Variants in USP30 observed in about 807,000 individuals in gnomAD.
USP30 encodes ubiquitin carboxyl-terminal hydrolase 30.
A neutral mutation model predicts 68.2 loss-of-function variants in USP30; 41 were observed. That is an observed-to-expected ratio of 0.60 (90% CI 0.47 to 0.78). The LOEUF (loss-of-function observed/expected upper bound fraction) is 0.78, where lower values mean the gene tolerates loss of function less well. Ranked by LOEUF, USP30 falls within the 30% of genes least tolerant of loss-of-function variation. The pLI is 0.00. For missense variants in USP30, 522 were observed against 649.4 expected, an observed-to-expected ratio of 0.80 and a Z score of 2.13; for synonymous variants, 229 against 253.7, an observed-to-expected ratio of 0.90 and a Z score of 0.93.
At chr12:109,075,381 C>T (rs1281310441) in intron 7 of USP30, among the ~76,000 whole-genome samples, 1 of 152,150 alleles carries the variant, frequency 6.6e-6, no homozygotes, top group Non-Finnish European at 1.5e-5. Flanking sequence ...CAGAGTCTCG[C>T]TCTGCTGCAC....
chr12:109,074,597 T>C (rs1193798072), intron 7 of USP30, among the ~76,000 whole-genome samples: 2 of 152,152 alleles, frequency 1.3e-5, no homozygotes, highest in Non-Finnish European at 2.9e-5. Flanking sequence ...TCCTACTGAG[T>C]GCAAAGTAGT....
rs561625346 is a variant in USP30, at chr12:109,034,225, C to T, written c.-136+6669C>T. On this transcript the variant is annotated intron_variant, in intron 3 of 15. Transcript: ENST00000392784. ...TTTCCCTTGTTAATGTTTCTCTTAC[C>T]TATTGGCTATTCAGGAATGTGTTGT... 1.2e-3 allele frequency among the ~76,000 whole-genome samples: 183 copies of T among 152,212 alleles called. 3 individuals are homozygous for T. The South Asian group carries it at 0.021, about 18-fold the overall frequency.
At chr12:109,074,438 A>G (rs1388289189) in intron 7 of USP30, among the ~76,000 whole-genome samples, 1 of 152,144 alleles carries the variant, frequency 6.6e-6, no homozygotes, top group Non-Finnish European at 1.5e-5. Context: ...TTAACCTTTT[A>G]AGGAACTGCC....
chr12:109,042,652 T>C (rs1429752844), intron 3 of USP30, among the ~76,000 whole-genome samples: 3 of 152,158 alleles, frequency 2.0e-5, no homozygotes, highest in African/African-American at 7.2e-5. Context: ...TTATACTCAA[T>C]GGTGAGAGAC....
At chr12:109,060,409 G>A (rs1179121829) in intron 3 of USP30, among the ~76,000 whole-genome samples, 1 of 152,192 alleles carries the variant, frequency 6.6e-6, no homozygotes, top group Non-Finnish European at 1.5e-5. Context: ...GTGCTTCACT[G>A]AGGTATTTTC....
chr12:109,070,543 G>A lies in USP30; in HGVS notation c.481-1069G>A, dbSNP rs2041406641. On this transcript the variant is annotated intron_variant, in intron 4 of 12. Coordinates refer to ENST00000257548, the MANE Select transcript of USP30 (RefSeq NM_032663.5). This position sits in a 1 kb window ranked among gnomAD's most constrained non-coding sequence, Gnocchi z 4.0. ...CTTTGTAGGCCAGATAAGAATGGTA[G>A]GTTTTACTCTAGTAGTGGAAGCCAT... Among the ~76,000 whole-genome samples the A allele has an allele frequency of 6.6e-6, 1 of 152,194 alleles. No individual in the cohort carries two copies. Among genetic ancestry groups the A allele is most frequent in the Non-Finnish European group, 1.5e-5 (1 of 68,022 alleles).
intron 3 of USP30, among the ~76,000 whole-genome samples, chr12:109,063,326 C>A (rs1316214635): frequency 6.6e-6 from 1 of 152,164 alleles, no homozygotes. Flanking sequence ...ATCTTGAACT[C>A]CTGACTTCAA....
intron 11 of USP30, among the ~76,000 whole-genome samples, chr12:109,084,290 C>T (rs2041886012): frequency 6.6e-6 from 1 of 152,142 alleles, no homozygotes; most frequent in South Asian, 2.1e-4. Context: ...AAAAATGACA[C>T]TTGAAAGGAA....
intron 3 of USP30, among the ~76,000 whole-genome samples, chr12:109,030,903 C>T (rs1482562564): frequency 2.6e-5 from 4 of 152,138 alleles, no homozygotes; most frequent in East Asian, 1.9e-4. Flanking sequence ...CGTGAGCCAC[C>T]GTGCCAGGCC....
At position 109,087,230 on chromosome 12, in the gene USP30, A is replaced by G. The variant is rs2041967455; in HGVS notation, c.*1299A>G. 1 of 152,184 alleles carries G rather than the reference A, an allele frequency of 6.6e-6. No homozygotes were observed. The highest frequency in any genetic ancestry group is 2.4e-5 in the African/African-American group (1 of 41,436). 9.4% of individuals were successfully genotyped at this position (152,184 alleles called of 1,614,324 possible). A position where few individuals can be genotyped will look rare whatever the true frequency, so the allele number is the denominator to read the frequency against. ...TTTTAATTTAGAAAAATGGATACCA[A>G]ATTCAAACCGACTCATCAGAGGTAA... On this transcript the variant is annotated 3_prime_UTR_variant, in exon 13 of 13. Coordinates refer to ENST00000257548, the MANE Select transcript of USP30 (RefSeq NM_032663.5).
chr12:109,032,322 A>G (rs1197224317), intron 3 of USP30, among the ~76,000 whole-genome samples: 1 of 152,166 alleles, frequency 6.6e-6, no homozygotes, highest in African/African-American at 2.4e-5. Flanking sequence ...TAAATGCTCT[A>G]TGCAAAACTT....
chr12:109,050,973 G>T (rs2040660087), upstream of USP30, among the ~76,000 whole-genome samples: 1 of 152,024 alleles, frequency 6.6e-6, no homozygotes, highest in Non-Finnish European at 1.5e-5. Context: ...CTGGGCGGCA[G>T]AGCAAGACTC....
rs201090244 is a variant in USP30 at position 109,058,714 on chromosome 12, T to TA, written c.376+616dup. Among the ~76,000 whole-genome samples, 13 of 148,818 alleles carry TA rather than the reference T, an allele frequency of 8.7e-5. No homozygotes were observed. In the South Asian group the frequency reaches 1.1e-3, roughly 12 times the overall value. ...TATTCTGGTTTCAAAAACATTAAAG[T>TA]AAAAAAAAAATGTCCGTTAGCCTAG... On this transcript the variant is annotated intron_variant, in intron 3 of 12. Transcript: ENST00000257548.
At chr12:109,026,868 G>A (rs1172853388) in intron 2 of USP30, among the ~76,000 whole-genome samples, 3 of 152,108 alleles carry the variant, frequency 2.0e-5, no homozygotes, top group Non-Finnish European at 4.4e-5. Flanking sequence ...CTTGCAGATG[G>A]CCACCTTCTC....
At chr12:109,032,480 T>C (rs2040489570) in intron 3 of USP30, among the ~76,000 whole-genome samples, 1 of 152,228 alleles carries the variant, frequency 6.6e-6, no homozygotes, top group Admixed American at 6.5e-5. Context: ...AATGCAGTAC[T>C]GATTATGGTG....
intron 3 of USP30, among the ~76,000 whole-genome samples, chr12:109,043,174 A>G (rs1210822138): frequency 5.9e-5 from 9 of 152,224 alleles, no homozygotes; most frequent in Admixed American, 5.9e-4. Flanking sequence ...TACTACCCAA[A>G]GTGATCTGTA....
At chr12:109,030,510 G>A (rs1381191599) in intron 3 of USP30, among the ~76,000 whole-genome samples, 1 of 152,138 alleles carries the variant, frequency 6.6e-6, no homozygotes, top group Non-Finnish European at 1.5e-5. Context: ...AAATTCTGGA[G>A]ATCTAACGTA....
intron 8 of USP30, 128 bp from the exon 9 acceptor site, chr12:109,081,805 T>C: frequency 1.1e-6 from 1 of 916,140 alleles, no homozygotes; most frequent in South Asian, 1.5e-5. Context: ...AAACATCCAG[T>C]TGTGACTATA....
At chr12:109,025,333 T>C (rs2040437213) in intron 2 of USP30, among the ~76,000 whole-genome samples, 1 of 151,936 alleles carries the variant, frequency 6.6e-6, no homozygotes, top group Admixed American at 6.6e-5. Context: ...TATTTATATC[T>C]ATGTAATATA....
Sources: gnomAD v4.1 joint callset for allele counts (sites outside exome capture counted in the v4.1 genomes callset) on GRCh38, gnomAD v4.1.1 for gene constraint, Gnocchi (gnomAD v3.1) non-coding constraint, MANE v1.5 for transcripts, NCBI Gene and HGNC (gene_info 2026-07-23, HGNC 2026-07-21) for gene names.